KIF15: variants seen among roughly 807,000 people sequenced by gnomAD.
KIF15 encodes kinesin family member 15.
KIF15 carries 140 observed loss-of-function variants against 190.6 expected under a neutral mutation model. The ratio of observed to expected loss-of-function variants is 0.73; its 90% CI spans 0.64 to 0.84. The LOEUF is 0.84. KIF15 is among the 40% of genes least tolerant of loss of function. KIF15 has a pLI of 0.00. For missense variants in KIF15, 1,372 were observed against 1,584.4 expected, an observed-to-expected ratio of 0.87 and a Z score of 2.28; for synonymous variants, 528 against 551.3, an observed-to-expected ratio of 0.96 and a Z score of 0.59.
chr3:44,861,957 C>T (rs1314720744), intron 6 of KIF15: 4 of 1,402,802 alleles, frequency 2.9e-6, no homozygotes, highest in Non-Finnish European at 3.7e-6. Flanking sequence ...CGGGCGGCGC[C>T]GTGTCCGCGA....
At chr3:44,848,093 C>T in intron 31 of KIF15, 36 bp downstream of exon 31, 1 of 1,232,300 alleles carries the variant, frequency 8.1e-7, no homozygotes, top group Middle Eastern at 2.0e-4. Flanking sequence ...TTCTTCTTGT[C>T]TGAGCAATGC....
intron 20 of KIF15, among the ~76,000 whole-genome samples, chr3:44,815,943 C>T (rs1160798357): frequency 1.3e-5 from 2 of 152,032 alleles, no homozygotes; most frequent in East Asian, 3.9e-4. Context: ...AAATCTGTAG[C>T]TGTTGAGTGT....
At chr3:44,861,250 C>G (rs944649580) in intron 6 of KIF15, among the ~76,000 whole-genome samples, 1 of 152,234 alleles carries the variant, frequency 6.6e-6, no homozygotes, top group Non-Finnish European at 1.5e-5. Context: ...CTCGGCCTCC[C>G]AAAGTGCTGG....
Position 44,851,774 on chromosome 3 carries a change from C to G in KIF15, c.3807-13C>G, listed in dbSNP as rs780227809. 1 of 1,598,496 alleles carries G rather than the reference C, an allele frequency of 6.3e-7. No individual in the cohort carries two copies. Among genetic ancestry groups the G allele is most frequent in the East Asian group, 2.2e-5 (1 of 44,740 alleles). On this transcript the variant is annotated splice_polypyrimidine_tract_variant and intron_variant, in intron 32 of 34. Coordinates refer to ENST00000326047, the MANE Select transcript of KIF15 (RefSeq NM_020242.3). ...TCTTTCAAATACTATAAAGTGATAA[C>G]CTATTCCTACAGCCTAGAAGAAGTC...
chr3:44,866,757 CCAA>C (rs1395936853), intron 6 of KIF15, among the ~76,000 whole-genome samples: 2 of 152,196 alleles, frequency 1.3e-5, no homozygotes, highest in Non-Finnish European at 2.9e-5. Flanking sequence ...GCCCACCACT[CCAA>C]CAAGAGTTCT....
intron 1 of KIF15, among the ~76,000 whole-genome samples, chr3:44,770,571 A>G (rs1165851155): frequency 6.6e-6 from 1 of 152,186 alleles, no homozygotes; most frequent in Non-Finnish European, 1.5e-5. Flanking sequence ...AGCTTTTATC[A>G]GTTCTGCAAG....
chr3:44,792,638 C>T (rs1200393827), intron 7 of KIF15, among the ~76,000 whole-genome samples: 1 of 151,670 alleles, frequency 6.6e-6, no homozygotes, highest in African/African-American at 2.4e-5. Context: ...CTTCTACCTC[C>T]CGGGTTCAAG....
downstream of KIF15, among the ~76,000 whole-genome samples, chr3:44,856,853 A>G (rs56948869): frequency 0.44 from 67,411 of 151,934 alleles, 16,193 homozygotes; most frequent in East Asian, 0.83. Flanking sequence ...GTGGTGCAGG[A>G]TATGGAAGGC....
At chr3:44,788,644 TG>T (rs1193459778) in intron 7 of KIF15, among the ~76,000 whole-genome samples, 2 of 151,974 alleles carry the variant, frequency 1.3e-5, no homozygotes. Flanking sequence ...TTTGTAGAGA[TG>T]AGGTTTAGCC....
chr3:44,798,593 A>G (rs1575607241), intron 10 of KIF15, among the ~76,000 whole-genome samples: 1 of 151,870 alleles, frequency 6.6e-6, no homozygotes, highest in Non-Finnish European at 1.5e-5. Context: ...TTGTACAGGT[A>G]GGATCTCACT....
chr3:44,774,384 T>C lies in KIF15; in HGVS notation c.20-11T>C. ...ATTTAAATGACCTTTAATAACTTTTTTTTTTTCTAGCTGAGTTACGCAGCG... is the reference window on the plus strand; with the variant it reads ...ATTTAAATGACCTTTAATAACTTTTCTTTTTTCTAGCTGAGTTACGCAGCG... On this transcript the variant is annotated splice_polypyrimidine_tract_variant and intron_variant, in intron 1 of 34. Coordinates refer to ENST00000326047, the MANE Select transcript of KIF15 (RefSeq NM_020242.3). 2 of 1,611,414 alleles carry C rather than the reference T, an allele frequency of 1.2e-6. No individual in the cohort carries two copies. The highest frequency in any genetic ancestry group is 1.7e-6 in the Non-Finnish European group (2 of 1,178,792).
chr3:44,786,211 A>G (rs1476097763), intron 6 of KIF15, among the ~76,000 whole-genome samples, 184 bp from the exon 7 acceptor site: 7 of 152,278 alleles, frequency 4.6e-5, no homozygotes, highest in Admixed American at 6.5e-5. Flanking sequence ...GTGAGACTCC[A>G]TCTCAAACAA....
chr3:44,804,908 G>A, intron 14 of KIF15, 119 bp from the exon 15 acceptor site: 1 of 1,041,582 alleles, frequency 9.6e-7, no homozygotes, highest in Non-Finnish European at 1.3e-6. Context: ...CAGAATTTGG[G>A]GCTTTAGTAC....
At chr3:44,843,956 T>A (rs1698729848) in intron 30 of KIF15, among the ~76,000 whole-genome samples, 1 of 152,176 alleles carries the variant, frequency 6.6e-6, no homozygotes, top group Non-Finnish European at 1.5e-5. Flanking sequence ...TGTCAGTCAA[T>A]GAAAAGTAGT....
At chr3:44,839,580 TAAC>T (rs2125712170) in intron 27 of KIF15, among the ~76,000 whole-genome samples, 1 of 152,298 alleles carries the variant, frequency 6.6e-6, no homozygotes, top group Non-Finnish European at 1.5e-5. Context: ...ATCAACCTAA[TAAC>T]TGTAATCACC....
chr3:44,864,997 A>G, intron 6 of KIF15: 4 of 1,609,386 alleles, frequency 2.5e-6, no homozygotes, highest in Non-Finnish European at 3.4e-6. Context: ...GGTTGTGCCC[A>G]CCTGCTGAAG....
chr3:44,806,326 T>C (rs1186815467), intron 16 of KIF15, among the ~76,000 whole-genome samples: 2 of 152,218 alleles, frequency 1.3e-5, no homozygotes, highest in Non-Finnish European at 2.9e-5. Flanking sequence ...ATGAGATAGA[T>C]AAGCTGCCTG....
chr3:44,769,751 G>A (rs983841107), intron 1 of KIF15, among the ~76,000 whole-genome samples: 3 of 152,110 alleles, frequency 2.0e-5, no homozygotes, highest in African/African-American at 7.2e-5. Context: ...GGGTTGTATG[G>A]ACTCCTTATC....
chr3:44,771,526 G>A (rs112640114), intron 1 of KIF15, among the ~76,000 whole-genome samples: 1,655 of 152,304 alleles, frequency 0.011, 28 homozygotes, highest in African/African-American at 0.037. Flanking sequence ...AAAGCCAGGT[G>A]TCAGGAAAGA....
Sources: allele counts gnomAD v4.1 joint callset (sites outside exome capture counted in the v4.1 genomes callset), GRCh38; gene constraint gnomAD v4.1.1; transcripts MANE v1.5; gene names NCBI Gene and HGNC (gene_info 2026-07-23, HGNC 2026-07-21).